Variants in NLRP5 observed in about 807,000 individuals in gnomAD.
NLRP5 encodes NACHT, LRR and PYD domains-containing protein 5.
Under a neutral mutation model 113.1 loss-of-function variants are expected in NLRP5, and 93 were observed. That is an observed-to-expected ratio of 0.82 (90% confidence interval 0.70 to 0.98). NLRP5 has a LOEUF of 0.98. NLRP5 is among the 50% of genes least tolerant of loss of function. The pLI is 0.00. For missense variants in NLRP5, 1,808 were observed against 1,514.3 expected, an observed-to-expected ratio of 1.19 and a Z score of -3.22; for synonymous variants, 751 against 600.7, an observed-to-expected ratio of 1.25 and a Z score of -3.66.
intron 1 of NLRP5, among the ~76,000 whole-genome samples, chr19:56,001,079 T>C (rs1056554126): frequency 6.6e-6 from 1 of 151,684 alleles, no homozygotes; most frequent in Non-Finnish European, 1.5e-5. Context: ...CCCAACACTT[T>C]GGGAGGCCAG....
intron 3 of NLRP5, among the ~76,000 whole-genome samples, chr19:56,013,595 G>GTTTTTTTTTTTTTTTTTTTTTTTT (rs1418924718): frequency 9.7e-5 from 3 of 30,984 alleles, no homozygotes; most frequent in Non-Finnish European, 1.7e-4. Flanking sequence ...TGGACATTTG[G>GTTTTTTTTTTTTTTTTTTTTTTTT]GTTTTTTTTT....
intron 13 of NLRP5, among the ~76,000 whole-genome samples, chr19:56,055,569 A>G (rs1163469859): frequency 3.8e-5 from 2 of 51,952 alleles, no homozygotes; most frequent in Non-Finnish European, 4.3e-5. Flanking sequence ...TTTTTAAGAT[A>G]GAGTCTTGCT....
chr19:56,023,897 C>T lies in NLRP5; in HGVS notation c.680-3016C>T, dbSNP rs560849113. ...TGTATTACACATTTGTGCAGAGAGA[C>T]TCTTGCTGCCTTTTTAAGGTAAATA... is the stretch of plus-strand genomic sequence containing the variant. On this transcript the variant is annotated intron_variant, in intron 6 of 14. Transcript: ENST00000390649. 2.6e-4 allele frequency among the ~76,000 whole-genome samples: 39 copies of T among 152,252 alleles called. 1 individual carries two copies. The South Asian group carries it at 7.9e-3, about 31-fold the overall frequency.
At chr19:56,054,191 C>T (rs1448164028) in intron 13 of NLRP5, among the ~76,000 whole-genome samples, 6 of 152,168 alleles carry the variant, frequency 3.9e-5, no homozygotes, top group African/African-American at 1.4e-4. Context: ...CTTAAAACTT[C>T]AGTGAGCATC....
chr19:56,001,119 T>G (rs2123263263), intron 1 of NLRP5, among the ~76,000 whole-genome samples: 1 of 151,404 alleles, frequency 6.6e-6, no homozygotes, highest in South Asian at 2.1e-4. Flanking sequence ...GCCCAGGAGT[T>G]TGAAACCAGC....
At position 56,050,405 on chromosome 19, in the gene NLRP5, G is replaced by A. The variant is rs776385442; in HGVS notation, c.2958-13G>A. 6.2e-7 allele frequency: 1 copy of A among 1,612,058 alleles called. No individual in the cohort carries two copies. The highest frequency in any genetic ancestry group is 8.5e-7 in the Non-Finnish European group (1 of 1,179,254). ...AGCATCACGATCTTCTTTCCCATGTGTGTGCCCCACAGGCTGAATCAGTGC... is the reference window on the plus strand; with the variant it reads ...AGCATCACGATCTTCTTTCCCATGTATGTGCCCCACAGGCTGAATCAGTGC... On this transcript the variant is annotated splice_polypyrimidine_tract_variant and intron_variant, in intron 11 of 14. Coordinates refer to ENST00000390649, the MANE Select transcript of NLRP5 (RefSeq NM_153447.4).
rs1339676748 is a variant in NLRP5, at chr19:56,026,972, G to C, written c.739G>C (p.Glu247Gln). Reference sequence around the variant, plus strand: ...CGTGATGACCAAATTCGCTGAGGAGGAGGATGTACGTCGTAGTTTTGAAAA... The same window carrying C: ...CGTGATGACCAAATTCGCTGAGGAGCAGGATGTACGTCGTAGTTTTGAAAA... The change falls in exon 7 of 15, where the codon GAG becomes CAG. Residue 247 changes from glutamate to glutamine, a missense_variant. Glu to Gln is a conservative substitution (Grantham distance 29). Transcript: ENST00000390649. The C allele has an allele frequency of 1.9e-6, 3 of 1,551,760 alleles. No homozygotes were observed. Among genetic ancestry groups the C allele is most frequent in the Non-Finnish European group, 2.6e-6 (3 of 1,147,012 alleles).
chr19:56,053,344 C>T (rs371927346), intron 12 of NLRP5, among the ~76,000 whole-genome samples: 6 of 151,812 alleles, frequency 4.0e-5, no homozygotes, highest in South Asian at 2.1e-4. Context: ...TGCAGTGAGC[C>T]GAGATCACAC....
chr19:55,994,717 A>T, the NLRP5 span, among the ~76,000 whole-genome samples: 1 of 152,094 alleles, frequency 6.6e-6, no homozygotes, highest in African/African-American at 2.4e-5. Context: ...TTACTCTTGG[A>T]CTATTTCCTT....
the NLRP5 span, among the ~76,000 whole-genome samples, chr19:55,992,807 G>A: frequency 6.6e-6 from 1 of 151,920 alleles, no homozygotes; most frequent in African/African-American, 2.4e-5. Flanking sequence ...ATTTGCTGCA[G>A]TTTTTCCTTT....
At chr19:56,058,188 A>C in intron 13 of NLRP5, 52 bp from the exon 14 acceptor site, 4 of 1,335,662 alleles carry the variant, frequency 3.0e-6, no homozygotes, top group Non-Finnish European at 4.1e-6. Context: ...GGTTGAATGA[A>C]GGGTCCATCA....
At chr19:56,013,310 A>G (rs1035568081) in intron 3 of NLRP5, among the ~76,000 whole-genome samples, 9 of 152,024 alleles carry the variant, frequency 5.9e-5, no homozygotes, top group African/African-American at 1.9e-4. Context: ...TTCCTGCCTC[A>G]GCCTCCTGAG....
intron 2 of NLRP5, among the ~76,000 whole-genome samples, chr19:56,005,019 G>A (rs545004013): frequency 4.2e-4 from 64 of 150,668 alleles, no homozygotes; most frequent in African/African-American, 1.5e-3. Flanking sequence ...ACTTGAATCC[G>A]GGAGGCAGAG....
At chr19:55,996,404 A>C (rs1288028655), upstream of NLRP5, among the ~76,000 whole-genome samples, 1 of 152,110 alleles carries the variant, frequency 6.6e-6, no homozygotes, top group Non-Finnish European at 1.5e-5. Context: ...CACAACGTGC[A>C]GGTTTGTTAC....
intron 13 of NLRP5, among the ~76,000 whole-genome samples, chr19:56,055,552 T>TTTTTTTTTTTTTTTTTTTA (rs1984106035): frequency 7.9e-6 from 1 of 127,260 alleles, no homozygotes; most frequent in African/African-American, 2.8e-5. Flanking sequence ...TTTTTTTTTT[T>TTTTTTTTTTTTTTTTTTTA]TTTTTTTTTT....
At chr19:55,989,580 CAATATG>C in the NLRP5 span, among the ~76,000 whole-genome samples, 1 of 152,114 alleles carries the variant, frequency 6.6e-6, no homozygotes, top group Non-Finnish European at 1.5e-5. Context: ...GAAAGAGCAG[CAATATG>C]AGAAGGTGTG....
upstream of NLRP5, among the ~76,000 whole-genome samples, chr19:55,998,512 G>T (rs574396799): frequency 7.3e-5 from 11 of 151,610 alleles, no homozygotes; most frequent in East Asian, 2.1e-3. Context: ...AATTAGCCGG[G>T]CATGGTGACA....
chr19:56,024,632 C>T (rs1231191261), intron 6 of NLRP5, among the ~76,000 whole-genome samples: 2 of 151,170 alleles, frequency 1.3e-5, no homozygotes, highest in African/African-American at 4.9e-5. Context: ...GTGGCAGGCA[C>T]CTGTAATCCC....
rs552460753 is a variant in NLRP5 at position 56,032,861 on chromosome 19, C to G, written c.2447+80C>G. Reference sequence around the variant, plus strand: ...CTCCCCTACCTCCTGAGAGACCCATCTGAAGCCTTTCAAGTGCAGCCTGAG... The same window carrying G: ...CTCCCCTACCTCCTGAGAGACCCATGTGAAGCCTTTCAAGTGCAGCCTGAG... On this transcript the variant is annotated intron_variant, in intron 8 of 14. Transcript: ENST00000390649. The G allele has an allele frequency of 2.4e-5, 34 of 1,394,648 alleles. No individual in the cohort carries two copies. The African/African-American group carries it at 4.7e-4, about 19-fold the overall frequency. The allele number at this position is 1,394,648 out of a possible 1,614,324, so 86.4% of individuals were successfully genotyped here.
Sources: allele counts gnomAD v4.1 joint callset (sites outside exome capture counted in the v4.1 genomes callset), GRCh38; gene constraint gnomAD v4.1.1; transcripts MANE v1.5; gene names NCBI Gene and HGNC (gene_info 2026-07-23, HGNC 2026-07-21).